Variants in NOX4 observed in about 807,000 individuals in gnomAD.
NOX4 encodes kidney oxidase-1.
Under a neutral mutation model 87.6 loss-of-function variants are expected in NOX4, and 69 were observed. That is an observed-to-expected ratio of 0.79 (90% confidence interval 0.65 to 0.96). The LOEUF is 0.96. Among genes scored for constraint, NOX4 ranks in the 40% least tolerant of loss-of-function variants. NOX4 has a pLI of 0.00. For missense variants in NOX4, 680 were observed against 681.5 expected (o/e 1.00, Z 0.02); for synonymous variants, 275 against 238.2 (o/e 1.15, Z -1.42).
At chr11:89,408,151 C>T (rs999544771) in intron 8 of NOX4, among the ~76,000 whole-genome samples, 6 of 152,136 alleles carry the variant, frequency 3.9e-5, no homozygotes, top group African/African-American at 1.4e-4. Context: ...ATGTGCACTT[C>T]TTAAAGTCAA....
intron 8 of NOX4, among the ~76,000 whole-genome samples, chr11:89,418,212 A>G (rs1942886147): frequency 6.6e-6 from 1 of 151,784 alleles, no homozygotes; most frequent in Non-Finnish European, 1.5e-5. Context: ...CTCTGCCAAA[A>G]TCAGATCACA....
At chr11:89,361,829 G>C (rs1381500585) in intron 12 of NOX4, among the ~76,000 whole-genome samples, 1 of 152,012 alleles carries the variant, frequency 6.6e-6, no homozygotes, top group Non-Finnish European at 1.5e-5. Flanking sequence ...ATACAGAGAA[G>C]TATCCCCCAA....
the NOX4 span, chr11:89,548,084 A>C: frequency 6.6e-6 from 1 of 152,076 alleles, no homozygotes; most frequent in Admixed American, 6.6e-5. Context: ...ATATGTATAA[A>C]TTTTGTAGGA....
the NOX4 span, among the ~76,000 whole-genome samples, chr11:89,543,087 G>A: frequency 2.2e-4 from 34 of 152,232 alleles, no homozygotes; most frequent in African/African-American, 8.2e-4. Context: ...AAAGCTATGT[G>A]ATAGGATGAA....
chr11:89,452,903 G>C (rs370423113), intron 2 of NOX4, among the ~76,000 whole-genome samples: 191 of 152,054 alleles, frequency 1.3e-3, no homozygotes, highest in South Asian at 9.6e-3. Context: ...GTTTAGTCAG[G>C]CATGGTGTAA....
At chr11:89,445,222 G>A (rs958843655) in intron 4 of NOX4, among the ~76,000 whole-genome samples, 14 of 152,000 alleles carry the variant, frequency 9.2e-5, no homozygotes, top group Admixed American at 9.2e-4. Context: ...AACCATTATA[G>A]TTCACAATAT....
the NOX4 span, among the ~76,000 whole-genome samples, chr11:89,521,081 G>A: frequency 5.3e-5 from 8 of 152,034 alleles, no homozygotes; most frequent in East Asian, 1.5e-3. Context: ...CCCATAGATT[G>A]CAAAAATCAG....
At chr11:89,474,497 C>T (rs1946084628) in intron 2 of NOX4, among the ~76,000 whole-genome samples, 2 of 130,574 alleles carry the variant, frequency 1.5e-5, no homozygotes, top group African/African-American at 5.6e-5. Context: ...AGTTGTCCAA[C>T]AATTGAGAAA....
the NOX4 span, among the ~76,000 whole-genome samples, chr11:89,553,782 G>A: frequency 1.3e-5 from 2 of 151,876 alleles, no homozygotes; most frequent in African/African-American, 4.8e-5. Context: ...GAGTAAGAGG[G>A]CTTGACAGCA....
At chr11:89,536,291 C>T in the NOX4 span, among the ~76,000 whole-genome samples, 2 of 151,744 alleles carry the variant, frequency 1.3e-5, no homozygotes, top group African/African-American at 4.8e-5. Flanking sequence ...GGACTATAGG[C>T]GCCCGCCACC....
At chr11:89,403,529 C>T (rs1404905510) in intron 8 of NOX4, among the ~76,000 whole-genome samples, 2 of 152,060 alleles carry the variant, frequency 1.3e-5, no homozygotes, top group Non-Finnish European at 2.9e-5. Flanking sequence ...TGCCTGAGGT[C>T]AGGAGTTCGA....
chr11:89,471,771 T>C (rs1945953407), intron 2 of NOX4, among the ~76,000 whole-genome samples: 1 of 152,146 alleles, frequency 6.6e-6, no homozygotes, highest in African/African-American at 2.4e-5. Flanking sequence ...TGAGACAGTC[T>C]CTCTCTGTCA....
At chr11:89,398,051 G>T (rs1941602514) in intron 11 of NOX4, among the ~76,000 whole-genome samples, 1 of 151,832 alleles carries the variant, frequency 6.6e-6, no homozygotes, top group Non-Finnish European at 1.5e-5. Flanking sequence ...GATGAACATT[G>T]ATGCAAATAT....
chr11:89,412,814 C>T (rs1322245070), intron 8 of NOX4, among the ~76,000 whole-genome samples: 1 of 151,864 alleles, frequency 6.6e-6, no homozygotes, highest in East Asian at 1.9e-4. Flanking sequence ...ACAATCAAAG[C>T]AAAAATAGAC....
chr11:89,572,452 T>G, the NOX4 span, among the ~76,000 whole-genome samples: 1 of 152,242 alleles, frequency 6.6e-6, no homozygotes, highest in Admixed American at 6.5e-5. Context: ...ACATTATGAC[T>G]AGTGTTTGGC....
At chr11:89,574,925 C>G in the NOX4 span, among the ~76,000 whole-genome samples, 1,875 of 152,218 alleles carry the variant, frequency 0.012, 32 homozygotes, top group African/African-American at 0.043. Context: ...GGCTCACGCC[C>G]ATAATCCCAG....
intron 8 of NOX4, among the ~76,000 whole-genome samples, chr11:89,413,044 G>C (rs1344583420): frequency 6.6e-6 from 1 of 152,014 alleles, no homozygotes; most frequent in Non-Finnish European, 1.5e-5. Context: ...TATCTCAAAA[G>C]ACATACAAAT....
the NOX4 span, among the ~76,000 whole-genome samples, chr11:89,514,866 T>C: frequency 6.6e-6 from 1 of 152,014 alleles, no homozygotes; most frequent in Non-Finnish European, 1.5e-5. Flanking sequence ...ATTTTATATG[T>C]TCTCTTTTGT....
At chr11:89,398,677 C>A (rs1194234055) in intron 11 of NOX4, among the ~76,000 whole-genome samples, 2 of 150,746 alleles carry the variant, frequency 1.3e-5, no homozygotes, top group African/African-American at 4.9e-5. Context: ...CATCTGTCTG[C>A]ATGTATACAT....
Sources: gnomAD v4.1 joint callset for allele counts (sites outside exome capture counted in the v4.1 genomes callset) on GRCh38, gnomAD v4.1.1 for gene constraint, MANE v1.5 for transcripts, NCBI Gene and HGNC (gene_info 2026-07-23, HGNC 2026-07-21) for gene names.